Variants in EHBP1 observed in about 807,000 individuals in gnomAD.
The protein encoded by EHBP1 is EH domain-binding protein 1.
In EHBP1, 55 loss-of-function variants were observed where a neutral mutation model predicts 144.0. The observed-to-expected ratio is 0.38, with a 90% CI of 0.31 to 0.48. The LOEUF (loss-of-function observed/expected upper bound fraction) is 0.48, where lower values mean the gene tolerates loss of function less well. EHBP1 is among the 20% of genes least tolerant of loss of function. The pLI is 0.98. For missense variants in EHBP1, 1,200 were observed against 1,364.2 expected (o/e 0.88, Z 1.90); for synonymous variants, 469 against 472.7 (o/e 0.99, Z 0.10).
intron 19 of EHBP1, among the ~76,000 whole-genome samples, chr2:63,012,459 A>G (rs1490666408): frequency 6.6e-6 from 1 of 152,156 alleles, no homozygotes; most frequent in East Asian, 1.9e-4. Context: ...AGCTAATAAT[A>G]AAAAAGCACT....
At chr2:62,932,821 G>T (rs1355001177) in intron 10 of EHBP1, among the ~76,000 whole-genome samples, 1 of 151,918 alleles carries the variant, frequency 6.6e-6, no homozygotes, top group Non-Finnish European at 1.5e-5. Flanking sequence ...GGGCATGATG[G>T]CATGAGCCTG....
At chr2:62,800,858 A>G (rs2043929147) in intron 5 of EHBP1, among the ~76,000 whole-genome samples, 1 of 152,200 alleles carries the variant, frequency 6.6e-6, no homozygotes, top group Non-Finnish European at 1.5e-5. Context: ...ATCACCCTTC[A>G]TGAAAGGCTT....
At chr2:62,955,744 A>G (rs1173297447) in intron 14 of EHBP1, 84 bp downstream of exon 14, 3 of 1,458,080 alleles carry the variant, frequency 2.1e-6, no homozygotes, top group East Asian at 4.6e-5. Context: ...TATTTCTGCT[A>G]TGTTATTTTT....
chr2:63,020,318 T>C (rs1199333468), intron 19 of EHBP1, among the ~76,000 whole-genome samples: 2 of 128,676 alleles, frequency 1.6e-5, no homozygotes, highest in Non-Finnish European at 1.6e-5. Context: ...AGTGAGACTC[T>C]GTCTCAAAAA....
chr2:62,700,153 T>C (rs1446935721), intron 1 of EHBP1, among the ~76,000 whole-genome samples: 2 of 152,050 alleles, frequency 1.3e-5, no homozygotes, highest in Non-Finnish European at 2.9e-5. Context: ...AGAACTTGGG[T>C]CCTATAATGA....
chr2:62,729,845 C>G (rs1025746472), intron 2 of EHBP1, among the ~76,000 whole-genome samples: 4 of 151,612 alleles, frequency 2.6e-5, no homozygotes, highest in Non-Finnish European at 4.4e-5. Flanking sequence ...TTCCCCACAG[C>G]CTCGAGTACC....
At chr2:62,819,592 C>T (rs1343568428) in intron 5 of EHBP1, among the ~76,000 whole-genome samples, 5 of 151,764 alleles carry the variant, frequency 3.3e-5, no homozygotes, top group Admixed American at 2.0e-4. Context: ...GGTGAAACCC[C>T]GTCTTTACTA....
chr2:62,925,294 A>G (rs891851509), intron 10 of EHBP1, among the ~76,000 whole-genome samples: 12 of 152,118 alleles, frequency 7.9e-5, no homozygotes, highest in Non-Finnish European at 1.5e-4. Flanking sequence ...GTGGAACAAG[A>G]CAAGAGTGTC....
chr2:63,037,506 A>G lies in EHBP1; in HGVS notation c.3104-29A>G, dbSNP rs189305812. The stretch of plus-strand genomic sequence containing the variant: ...TATTTGGCTTGTTTTAACATCGTAT[A>G]GTAAAAGGTAACTCTTCCCGAATTA... On this transcript the variant is annotated intron_variant, in intron 19 of 22. Coordinates refer to ENST00000431489, the MANE Select transcript of EHBP1 (RefSeq NM_001142616.3). The G allele has an allele frequency of 2.0e-4, 296 of 1,480,318 alleles. 2 individuals carry two copies. The Admixed American group carries it at 4.8e-3, about 24-fold the overall frequency. 91.7% of individuals were successfully genotyped at this position (1,480,318 alleles called of 1,614,324 possible).
At chr2:62,877,725 C>T (rs2051011500) in intron 10 of EHBP1, among the ~76,000 whole-genome samples, 1 of 152,090 alleles carries the variant, frequency 6.6e-6, no homozygotes, top group Non-Finnish European at 1.5e-5. Flanking sequence ...TTAACCTGCT[C>T]CTGAATGACT....
rs1319645987 is a variant in EHBP1, at chr2:63,045,684, A to G, written c.*184A>G. 7.2e-6 allele frequency: 4 copies of G among 557,760 alleles called. No individual in the cohort carries two copies. The highest frequency in any genetic ancestry group is 1.3e-5 in the Non-Finnish European group (4 of 313,140). 34.6% of individuals were successfully genotyped at this position (557,760 alleles called of 1,614,324 possible). On this transcript the variant is annotated 3_prime_UTR_variant, in exon 23 of 23. Transcript: ENST00000431489. This position sits in a 1 kb window ranked among gnomAD's most constrained non-coding sequence, Gnocchi z 5.7. Reference sequence around the variant, plus strand: ...TTTCCAAATAATATACAGAACTCCAAAATAGCTTCATTTAAGGATTTTTTT... The same window carrying G: ...TTTCCAAATAATATACAGAACTCCAGAATAGCTTCATTTAAGGATTTTTTT...
At position 62,971,967 on chromosome 2, in the gene EHBP1, G is replaced by C. The variant is rs2058518611; in HGVS notation, c.2461-7221G>C. 3.3e-5 allele frequency among the ~76,000 whole-genome samples: 5 copies of C among 152,250 alleles called. No homozygotes were observed. The South Asian group carries it at 1.0e-3, about 32-fold the overall frequency. ...TCAGACCCTTTCTCAGAAACAGGAA[G>C]TCTAACTACTTCAATTTATTTAAGT... On this transcript the variant is annotated intron_variant, in intron 14 of 22. Transcript: ENST00000431489.
At chr2:62,874,278 T>G in intron 9 of EHBP1, 68 bp from the exon 10 acceptor site, 1 of 1,276,262 alleles carries the variant, frequency 7.8e-7, no homozygotes. Flanking sequence ...CAGTGCATGT[T>G]TTATTATTTT....
intron 10 of EHBP1, among the ~76,000 whole-genome samples, chr2:62,899,328 A>G (rs1445304907): frequency 6.6e-6 from 1 of 152,186 alleles, no homozygotes; most frequent in Non-Finnish European, 1.5e-5. Context: ...TGGAGAAAAT[A>G]AAGCTGGCTT....
intron 19 of EHBP1, among the ~76,000 whole-genome samples, chr2:63,000,835 T>C (rs113169533): frequency 5.3e-5 from 8 of 152,300 alleles, no homozygotes; most frequent in African/African-American, 1.9e-4. Context: ...TGTGTGTGTG[T>C]ACGTCTGTGT....
chr2:62,733,124 G>T (rs1419597480), intron 2 of EHBP1, among the ~76,000 whole-genome samples: 1 of 152,154 alleles, frequency 6.6e-6, no homozygotes, highest in African/African-American at 2.4e-5. Context: ...CTCTTAAAAT[G>T]ATTTGTCTTT....
intron 20 of EHBP1, among the ~76,000 whole-genome samples, chr2:63,038,069 A>G (rs1414701810): frequency 2.0e-5 from 3 of 152,196 alleles, no homozygotes; most frequent in African/African-American, 4.8e-5. Context: ...ATAAGTTACT[A>G]AAACAAAAGT....
rs567258772 is a variant in EHBP1 at position 62,916,610 on chromosome 2, A to T, written c.1186-26108A>T. Among the ~76,000 whole-genome samples the T allele has an allele frequency of 1.1e-3, 171 of 151,622 alleles. 1 individual carries two copies. The highest frequency in any genetic ancestry group is 0.011 in the South Asian group (51 of 4,818). On this transcript the variant is annotated intron_variant, in intron 10 of 22. Transcript: ENST00000431489. ...TCTGTCTCAAAAAAAAAAAAAATTT[A>T]AAATGACAAGTTAAAAAGTGATAGG...
intron 19 of EHBP1, among the ~76,000 whole-genome samples, chr2:63,012,107 G>C (rs2060291359): frequency 6.6e-6 from 1 of 151,734 alleles, no homozygotes; most frequent in African/African-American, 2.4e-5. Context: ...GCTGTAGGGG[G>C]TGAAAATTAG....
Sources: gnomAD v4.1 joint callset for allele counts (sites outside exome capture counted in the v4.1 genomes callset) on GRCh38, gnomAD v4.1.1 for gene constraint, Gnocchi (gnomAD v3.1) non-coding constraint, MANE v1.5 for transcripts, NCBI Gene and HGNC (gene_info 2026-07-23, HGNC 2026-07-21) for gene names.